Variants in HERC2 observed in about 807,000 individuals in gnomAD.
HERC2 encodes the protein E3 ubiquitin-protein ligase HERC2.
In HERC2, 102 loss-of-function variants were observed where a neutral mutation model predicts 537.7. The observed-to-expected ratio is 0.19, with a 90% CI of 0.16 to 0.22. The LOEUF is 0.22. Among genes scored for constraint, HERC2 ranks in the 10% least tolerant of loss-of-function variants. The probability of loss-of-function intolerance (pLI) is 1.00; values close to 1 mark genes in which losing one functional copy is unlikely to be tolerated. For synonymous variants in HERC2, 2,224 were observed against 2,466.2 expected (o/e 0.90, Z 2.91); for missense variants, 4,236 against 6,198.2 (o/e 0.68, Z 10.63).
chr15:28,203,716 C>A (rs2525925), intron 45 of HERC2: 1 of 151,884 alleles, frequency 6.6e-6, no homozygotes, highest in South Asian at 2.1e-4. Context: ...AACCAGAATG[C>A]GAGGGAAAGC....
At position 28,144,525 on chromosome 15, in the gene HERC2, C is replaced by A. The variant is rs932168682; in HGVS notation, c.11140+148G>T. On this transcript the variant is annotated intron_variant, in intron 72 of 92. Coordinates refer to ENST00000261609, the MANE Select transcript of HERC2 (RefSeq NM_004667.6). Reference sequence around the variant, plus strand: ...GGACAGATCTGTGTTCTGTTCCACGCCTCAGCAGGGCCTGTGAGAGCACTC... The same window carrying A: ...GGACAGATCTGTGTTCTGTTCCACGACTCAGCAGGGCCTGTGAGAGCACTC... 3 of 1,091,870 alleles carry A rather than the reference C, an allele frequency of 2.7e-6. No individual in the cohort carries two copies. The African/African-American group carries it at 4.6e-5, about 17-fold the overall frequency. The allele number at this position is 1,091,870 out of a possible 1,614,324, so 67.6% of individuals were successfully genotyped here.
chr15:28,151,269 G>C (rs1165924053), intron 70 of HERC2, among the ~76,000 whole-genome samples: 3 of 152,126 alleles, frequency 2.0e-5, no homozygotes, highest in Non-Finnish European at 4.4e-5. Flanking sequence ...AGATGTAACA[G>C]AAGAAGTACA....
Position 28,299,398 on chromosome 15 carries a change from T to G in HERC2, c.187+4A>C. The stretch of plus-strand genomic sequence containing the variant: ...AATAAAAAACACTAGTTAAAGGCCC[T>G]TACCTTTTCTAGGAGGGAGCTCTCC... On this transcript the variant is annotated splice_donor_region_variant and intron_variant, in intron 3 of 92. Transcript: ENST00000261609. 6.9e-7 allele frequency: 1 copy of G among 1,442,592 alleles called. No homozygotes were observed. Among genetic ancestry groups the G allele is most frequent in the Non-Finnish European group, 9.7e-7 (1 of 1,028,616 alleles). The allele number at this position is 1,442,592 out of a possible 1,614,324, so 89.4% of individuals were successfully genotyped here.
intron 5 of HERC2, among the ~76,000 whole-genome samples, chr15:28,279,295 G>C (rs892406267): frequency 1.3e-5 from 2 of 152,096 alleles, no homozygotes; most frequent in African/African-American, 4.8e-5. Flanking sequence ...CAGCCCAAAA[G>C]CAACTCTTGT....
At chr15:28,201,705 T>A in intron 47 of HERC2, 151 bp from the exon 48 acceptor site, 1 of 638,776 alleles carries the variant, frequency 1.6e-6, no homozygotes, top group South Asian at 2.0e-5. Context: ...AAAAGACTAA[T>A]AGCAGTAGCA....
At chr15:28,208,968 A>C (rs750563411) in intron 44 of HERC2, among the ~76,000 whole-genome samples, 2 of 152,246 alleles carry the variant, frequency 1.3e-5, no homozygotes, top group African/African-American at 4.8e-5. Flanking sequence ...AATGTCTTTC[A>C]ATAGCAGGAG....
At chr15:28,136,312 C>T (rs1385870398) in intron 78 of HERC2, among the ~76,000 whole-genome samples, 3 of 136,088 alleles carry the variant, frequency 2.2e-5, no homozygotes, top group African/African-American at 5.0e-5. Flanking sequence ...ATCTTTCAAA[C>T]GTGCTGCTGC....
At chr15:28,259,357 C>T (rs1338994526) in intron 16 of HERC2, among the ~76,000 whole-genome samples, 2 of 151,972 alleles carry the variant, frequency 1.3e-5, no homozygotes, top group Non-Finnish European at 2.9e-5. Flanking sequence ...GGCCTCCCAA[C>T]GTGCTGGGAT....
intron 52 of HERC2, among the ~76,000 whole-genome samples, chr15:28,194,213 C>G (rs1897127358): frequency 6.6e-6 from 1 of 150,462 alleles, no homozygotes; most frequent in Non-Finnish European, 1.5e-5. Context: ...CTACAGGCGC[C>G]CGCCACCACG....
In HERC2 at chr15:28,116,711, G is replaced by A. The variant is rs572266605; in HGVS notation, c.13563C>T (p.Ser4521=). 1.9e-6 allele frequency: 3 copies of A among 1,613,782 alleles called. No homozygotes were observed. Among genetic ancestry groups the A allele is most frequent in the South Asian group, 2.2e-5 (2 of 91,058 alleles). ...SGANRDCYLL[S]PAARAPVHSS... is the part of the protein sequence containing the mutation. ...TGTGCACGGGTGCTCTGGCGGCCGG[G>A]CTGAGCAGGTAGCAGTCTCGGTTGG... is the stretch of plus-strand genomic sequence containing the variant. Residue 4521 remains serine (S), a synonymous_variant, in exon 88 of 93, where the codon AGC becomes AGT. Transcript: ENST00000261609.
intron 57 of HERC2, 37 bp downstream of exon 57, chr15:28,182,364 T>C: frequency 7.5e-7 from 1 of 1,341,728 alleles, no homozygotes; most frequent in Non-Finnish European, 1.1e-6. Flanking sequence ...TGCTGCCGAG[T>C]GCCCCACCCT....
chr15:28,312,718 A>G (rs2076980838), intron 2 of HERC2: 1 of 278,604 alleles, frequency 3.6e-6, no homozygotes, highest in South Asian at 1.3e-4. Context: ...AACTGTCTCC[A>G]ATTAGCTTTT....
chr15:28,286,208 A>C (rs1436275994), intron 4 of HERC2, among the ~76,000 whole-genome samples: 1 of 151,800 alleles, frequency 6.6e-6, no homozygotes, highest in East Asian at 1.9e-4. Context: ...TTAGAAGCTA[A>C]TATTAAGAAG....
Position 28,265,619 on chromosome 15 carries a change from G to A in HERC2, c.1869C>T (p.Asn623=), listed in dbSNP as rs150220154. 3.5e-5 allele frequency: 56 copies of A among 1,613,258 alleles called. No homozygotes were observed. The highest frequency in any genetic ancestry group is 1.3e-4 in the African/African-American group (10 of 75,006). Residue 623 remains asparagine, a splice_region_variant and synonymous_variant, in exon 14 of 93, where the codon AAC becomes AAT. Transcript: ENST00000261609. This position sits in a 1 kb window ranked among gnomAD's most constrained non-coding sequence, Gnocchi z 4.0. The part of the protein sequence containing the change: ...GDAQTLAVTE[N]GQVWSWGDGD... ...CAGGGTGGCGAGAGCTCTACGTACC[G>A]TTCTCAGTGACAGCCAGGGTTTGAG...
chr15:28,223,156 A>C (rs1310035313), intron 35 of HERC2, among the ~76,000 whole-genome samples: 1 of 152,154 alleles, frequency 6.6e-6, no homozygotes, highest in Non-Finnish European at 1.5e-5. Flanking sequence ...CACAAAACAG[A>C]AGCCGAGCTG....
At chr15:28,243,642 T>C (rs994596368) in intron 23 of HERC2, among the ~76,000 whole-genome samples, 2 of 152,186 alleles carry the variant, frequency 1.3e-5, no homozygotes, top group African/African-American at 4.8e-5. Context: ...CAAACCTCAC[T>C]AATAATCTAG....
At chr15:28,300,049 T>A (rs1596434484) in intron 2 of HERC2, among the ~76,000 whole-genome samples, 2 of 80,304 alleles carry the variant, frequency 2.5e-5, no homozygotes, top group Non-Finnish European at 3.5e-5. Flanking sequence ...CGAGACTCGG[T>A]GTTAAAAAAA....
rs781657340 is a variant in HERC2 at position 28,198,580 on chromosome 15, C to G, written c.7885+21G>C. ...TTGTCTCTAAGAAAAAACAAAAGCA[C>G]TGAACAAAGAATGTGCTCACCTATA... On this transcript the variant is annotated intron_variant, in intron 49 of 92. Coordinates refer to ENST00000261609, the MANE Select transcript of HERC2 (RefSeq NM_004667.6). 7 of 1,609,972 alleles carry G rather than the reference C, an allele frequency of 4.3e-6. No individual in the cohort carries two copies. The South Asian group carries it at 7.7e-5, about 18-fold the overall frequency.
chr15:28,212,161 A>C (rs1899314894), intron 43 of HERC2, among the ~76,000 whole-genome samples: 1 of 152,166 alleles, frequency 6.6e-6, no homozygotes, highest in South Asian at 2.1e-4. Context: ...AGGAGGGAAG[A>C]GGTGAACACA....
Sources: gnomAD v4.1 joint callset for allele counts (sites outside exome capture counted in the v4.1 genomes callset) on GRCh38, gnomAD v4.1.1 for gene constraint, Gnocchi (gnomAD v3.1) non-coding constraint, MANE v1.5 for transcripts, NCBI Gene and HGNC (gene_info 2026-07-23, HGNC 2026-07-21) for gene names.